The following SDK1 variants were observed in gnomAD, a reference collection of about 807,000 sequenced individuals.
The protein encoded by SDK1 is protein sidekick-1.
A neutral mutation model predicts 245.5 loss-of-function variants in SDK1; 157 were observed. That is an observed-to-expected ratio of 0.64 (90% CI 0.56 to 0.73). The LOEUF is 0.73. SDK1 is among the 30% of genes least tolerant of loss of function. SDK1 has a pLI of 0.00. For synonymous variants in SDK1, 1,647 were observed against 1,278.5 expected, an observed-to-expected ratio of 1.29 and a Z score of -6.15; for missense variants, 3,583 against 3,002.3, an observed-to-expected ratio of 1.19 and a Z score of -4.52.
chr7:3,763,729 G>A (rs1780170543), intron 4 of SDK1, among the ~76,000 whole-genome samples: 1 of 152,144 alleles, frequency 6.6e-6, no homozygotes, highest in African/African-American at 2.4e-5. Flanking sequence ...GTGGTGGTAA[G>A]AATGCAAATA....
At chr7:3,982,510 AC>A (rs1783489661) in intron 13 of SDK1, among the ~76,000 whole-genome samples, 1 of 152,126 alleles carries the variant, frequency 6.6e-6, no homozygotes, top group Non-Finnish European at 1.5e-5. Context: ...TAAATGGAAA[AC>A]CTTCTGGAAA....
intron 4 of SDK1, among the ~76,000 whole-genome samples, chr7:3,758,679 C>T (rs1251217738): frequency 6.6e-6 from 1 of 152,142 alleles, no homozygotes; most frequent in Non-Finnish European, 1.5e-5. Flanking sequence ...TTCTGTGTGT[C>T]ACCTGCACCC....
chr7:4,091,163 C>T, intron 22 of SDK1, among the ~76,000 whole-genome samples: 1 of 151,974 alleles, frequency 6.6e-6, no homozygotes, highest in East Asian at 1.9e-4. Context: ...GACTTAAGTA[C>T]AGGACTTAAA....
At chr7:3,342,492 G>A (rs533719611) in intron 1 of SDK1, among the ~76,000 whole-genome samples, 52 of 152,238 alleles carry the variant, frequency 3.4e-4, no homozygotes, top group Admixed American at 2.1e-3. Flanking sequence ...GGAGGCTGAG[G>A]CAGGAGACTC....
intron 35 of SDK1, among the ~76,000 whole-genome samples, chr7:4,201,656 C>A (rs182020783): frequency 1.3e-5 from 2 of 150,720 alleles, no homozygotes; most frequent in Non-Finnish European, 3.0e-5. Context: ...AGGGAGGCTC[C>A]GGTGACAGGA....
In SDK1 at chr7:3,831,240, T is replaced by A. The variant is rs149785118; in HGVS notation, c.847+9657T>A. Among the ~76,000 whole-genome samples, 414 of 152,322 alleles carry A rather than the reference T, an allele frequency of 2.7e-3. 2 individuals carry two copies. The highest frequency in any genetic ancestry group is 4.6e-3 in the Non-Finnish European group (311 of 68,032). ...TTGCTAGTTGTAAATGTACTTTTCT[T>A]AGAAAAACTGTATTTACTCAGTAGT... On this transcript the variant is annotated intron_variant, in intron 5 of 44. Coordinates refer to ENST00000404826, the MANE Select transcript of SDK1 (RefSeq NM_152744.4).
chr7:3,481,467 C>T (rs1028975411), intron 1 of SDK1, among the ~76,000 whole-genome samples: 5 of 152,252 alleles, frequency 3.3e-5, no homozygotes, highest in Non-Finnish European at 7.3e-5. Context: ...CTGTTCTGTG[C>T]TCCCAGAGTC....
chr7:3,823,105 G>C (rs780595158), intron 5 of SDK1, among the ~76,000 whole-genome samples: 1 of 152,160 alleles, frequency 6.6e-6, no homozygotes, highest in African/African-American at 2.4e-5. Flanking sequence ...ATTAGGGGTG[G>C]GGTTCACAAA....
At chr7:3,580,938 C>T (rs1037076490) in intron 1 of SDK1, among the ~76,000 whole-genome samples, 3 of 126,210 alleles carry the variant, frequency 2.4e-5, no homozygotes, top group Non-Finnish European at 4.7e-5. Flanking sequence ...CACCACATTC[C>T]AGCCTAGGTT....
intron 4 of SDK1, among the ~76,000 whole-genome samples, chr7:3,651,403 T>C (rs1783010556): frequency 6.6e-6 from 1 of 152,342 alleles, no homozygotes; most frequent in African/African-American, 2.4e-5. Context: ...CTTCTTGTTG[T>C]GAGAAATGTG....
At chr7:3,957,765 G>A (rs2128127969) in intron 7 of SDK1, among the ~76,000 whole-genome samples, 1 of 152,326 alleles carries the variant, frequency 6.6e-6, no homozygotes, top group East Asian at 1.9e-4. Flanking sequence ...ATGAAGATGA[G>A]CTTGAAAAAG....
At chr7:4,228,614 A>C (rs1785571895) in intron 40 of SDK1, among the ~76,000 whole-genome samples, 1 of 152,154 alleles carries the variant, frequency 6.6e-6, no homozygotes, top group African/African-American at 2.4e-5. Flanking sequence ...ATCTCGGCTC[A>C]CTGCAACCTT....
intron 28 of SDK1, among the ~76,000 whole-genome samples, chr7:4,137,582 G>A (rs1562867656): frequency 6.6e-6 from 1 of 152,216 alleles, no homozygotes; most frequent in Admixed American, 6.5e-5. Flanking sequence ...CCTCTCACTT[G>A]ATGTTTTTAA....
intron 1 of SDK1, among the ~76,000 whole-genome samples, chr7:3,541,666 A>G (rs995966435): frequency 1.3e-5 from 2 of 152,228 alleles, no homozygotes; most frequent in African/African-American, 4.8e-5. Flanking sequence ...TGTATATCCT[A>G]AAGTCCATGT....
chr7:3,950,945 C>T lies in SDK1; in HGVS notation c.870C>T (p.Thr290=), dbSNP rs760054977. 3 of 1,613,826 alleles carry T rather than the reference C, an allele frequency of 1.9e-6. No individual in the cohort carries two copies. The highest frequency in any genetic ancestry group is 2.5e-6 in the Non-Finnish European group (3 of 1,179,932). The change falls in exon 6 of 45, where the codon ACC becomes ACT. Residue 290 remains threonine, a synonymous_variant. Coordinates refer to ENST00000404826, the MANE Select transcript of SDK1 (RefSeq NM_152744.4). ...SIARDVGTPE[T]MAPTIVVPPG... The stretch of plus-strand genomic sequence containing the variant: ...CAGGAGATGTTGGCACACCTGAAAC[C>T]ATGGCCCCAACCATTGTGGTTCCCC...
At chr7:3,683,901 TAAC>T (rs1284420286) in intron 4 of SDK1, among the ~76,000 whole-genome samples, 1 of 152,172 alleles carries the variant, frequency 6.6e-6, no homozygotes, top group East Asian at 1.9e-4. Context: ...TGTGGCCTAG[TAAC>T]AAAAAATGTG....
chr7:4,078,576 G>C (rs569164289), intron 21 of SDK1, among the ~76,000 whole-genome samples: 15 of 152,286 alleles, frequency 9.8e-5, no homozygotes, highest in African/African-American at 3.4e-4. Flanking sequence ...ATTCCTCAGA[G>C]ATAGTGAGGT....
intron 44 of SDK1, among the ~76,000 whole-genome samples, chr7:4,260,103 G>A (rs1787887761): frequency 6.6e-6 from 1 of 152,054 alleles, no homozygotes; most frequent in Admixed American, 6.5e-5. Flanking sequence ...TGTGTGTGTG[G>A]GAAGATGTGT....
At chr7:3,512,327 C>T (rs1211548828) in intron 1 of SDK1, among the ~76,000 whole-genome samples, 3 of 152,134 alleles carry the variant, frequency 2.0e-5, no homozygotes, top group Admixed American at 2.0e-4. Context: ...GAGTAATATT[C>T]CATTGTGTGG....
Sources: allele counts gnomAD v4.1 joint callset (sites outside exome capture counted in the v4.1 genomes callset), GRCh38; gene constraint gnomAD v4.1.1; transcripts MANE v1.5; gene names NCBI Gene and HGNC (gene_info 2026-07-23, HGNC 2026-07-21).